Variants in ZPLD1 observed in about 807,000 individuals in gnomAD.
ZPLD1 encodes the protein zona pellucida like domain containing 1, also known as zona pellucida-like domain-containing protein 1.
Under a neutral mutation model 47.2 loss-of-function variants are expected in ZPLD1, and 34 were observed. That is an observed-to-expected ratio of 0.72 (90% CI 0.55 to 0.96). The LOEUF (loss-of-function observed/expected upper bound fraction) is 0.96. Among genes scored for constraint, ZPLD1 ranks in the 40% least tolerant of loss-of-function variants. The pLI is 0.00. For synonymous variants in ZPLD1, 176 were observed against 186.2 expected (o/e 0.95, Z 0.45); for missense variants, 512 against 505.8 (o/e 1.01, Z -0.12).
chr3:102,403,889 CA>C (rs11352887), intron 7 of ZPLD1, among the ~76,000 whole-genome samples: 21,876 of 151,968 alleles, frequency 0.14, 2,063 homozygotes, highest in Middle Eastern at 0.23. Flanking sequence ...TACAGATGAA[CA>C]AGACCTTAAT....
intron 8 of ZPLD1, among the ~76,000 whole-genome samples, chr3:102,422,948 G>A (rs1165800284): frequency 6.6e-6 from 1 of 152,032 alleles, no homozygotes; most frequent in East Asian, 1.9e-4. Flanking sequence ...CAACCTTGGT[G>A]TGAAATGTCA....
At chr3:102,392,868 C>T (rs541397228) in intron 7 of ZPLD1, among the ~76,000 whole-genome samples, 1 of 152,132 alleles carries the variant, frequency 6.6e-6, no homozygotes, top group South Asian at 2.1e-4. Flanking sequence ...TGTTGATTTC[C>T]CCATTAAGAT....
upstream of ZPLD1, among the ~76,000 whole-genome samples, chr3:102,432,296 G>T (rs1228352843): frequency 6.6e-6 from 1 of 152,192 alleles, no homozygotes; most frequent in Non-Finnish European, 1.5e-5. Flanking sequence ...TAGCTGCTCA[G>T]TAAATGCAGT....
chr3:102,388,517 C>G (rs1184952740), intron 6 of ZPLD1, among the ~76,000 whole-genome samples: 2 of 150,608 alleles, frequency 1.3e-5, no homozygotes, highest in African/African-American at 2.4e-5. Context: ...ACTAATTTAT[C>G]TCTGAGGATG....
intron 6 of ZPLD1, among the ~76,000 whole-genome samples, chr3:102,459,836 T>C (rs1276282808): frequency 2.0e-5 from 3 of 152,152 alleles, no homozygotes; most frequent in Non-Finnish European, 2.9e-5. Context: ...TAAACCAATA[T>C]TGATACATTA....
chr3:102,435,790 C>A (rs1054189818), intron 1 of ZPLD1, among the ~76,000 whole-genome samples: 4 of 151,954 alleles, frequency 2.6e-5, no homozygotes, highest in Admixed American at 1.3e-4. Flanking sequence ...CTACAGGCTC[C>A]CGCCACCACG....
chr3:102,427,976 A>G (rs1299598423), intron 8 of ZPLD1, among the ~76,000 whole-genome samples: 2 of 152,334 alleles, frequency 1.3e-5, no homozygotes, highest in South Asian at 4.1e-4. Context: ...ATTATTATAA[A>G]GCTGAAGTGC....
At chr3:102,466,505 A>G (rs1457586274) in intron 8 of ZPLD1, among the ~76,000 whole-genome samples, 2 of 152,240 alleles carry the variant, frequency 1.3e-5, no homozygotes, top group Non-Finnish European at 2.9e-5. Flanking sequence ...TATAATATAT[A>G]CATTCCCACA....
At chr3:102,392,549 T>TTCCTTTC (rs1553707468) in intron 7 of ZPLD1, among the ~76,000 whole-genome samples, 1 of 147,446 alleles carries the variant, frequency 6.8e-6, no homozygotes, top group Non-Finnish European at 1.5e-5. Context: ...CCTCCCTCCC[T>TTCCTTTC]TCCTTCCTCC....
intron 7 of ZPLD1, among the ~76,000 whole-genome samples, chr3:102,403,922 C>T (rs1398606775): frequency 6.6e-6 from 1 of 151,976 alleles, no homozygotes; most frequent in Non-Finnish European, 1.5e-5. Flanking sequence ...GAGATATTCA[C>T]AGTATTTCTT....
chr3:102,474,279 A>G (rs1287671970), intron 10 of ZPLD1, among the ~76,000 whole-genome samples: 4 of 152,214 alleles, frequency 2.6e-5, no homozygotes, highest in Non-Finnish European at 5.9e-5. Flanking sequence ...CCAACACCAG[A>G]AAACAATACC....
chr3:102,458,392 A>G (rs915660955), intron 6 of ZPLD1, among the ~76,000 whole-genome samples: 7 of 152,212 alleles, frequency 4.6e-5, no homozygotes, highest in African/African-American at 1.4e-4. Flanking sequence ...TTGGCAGCAA[A>G]ACGTGAAAAA....
intron 3 of ZPLD1, among the ~76,000 whole-genome samples, chr3:102,450,374 C>T (rs1359416120): frequency 6.6e-6 from 1 of 152,144 alleles, no homozygotes; most frequent in African/African-American, 2.4e-5. Context: ...ATCTTTCCCC[C>T]AATTGTTCTC....
chr3:102,456,379 G>C lies in ZPLD1; in HGVS notation c.509+5G>C. The C allele has an allele frequency of 6.2e-7, 1 of 1,608,244 alleles. No homozygotes were observed. On this transcript the variant is annotated splice_donor_5th_base_variant and intron_variant, in intron 5 of 11. Coordinates refer to ENST00000466937, the MANE Select transcript of ZPLD1 (RefSeq NM_001329788.2). ...TAATAATACCCAGCTTGCTTCGTAAGTTTGCATTTTATTCCTGCTTTCTCA... is the reference window on the plus strand; with the variant it reads ...TAATAATACCCAGCTTGCTTCGTAACTTTGCATTTTATTCCTGCTTTCTCA...
chr3:102,470,357 C>A (rs752214653), intron 9 of ZPLD1, 37 bp from the exon 10 acceptor site: 1 of 1,536,108 alleles, frequency 6.5e-7, no homozygotes, highest in Non-Finnish European at 9.0e-7. Flanking sequence ...AATTCTGCGC[C>A]GGTGTGGAAT....
chr3:102,389,760 C>T (rs879513739), intron 6 of ZPLD1, among the ~76,000 whole-genome samples: 3 of 152,020 alleles, frequency 2.0e-5, no homozygotes, highest in East Asian at 1.9e-4. Flanking sequence ...CCTGAGGATC[C>T]GATGGATGGC....
intron 3 of ZPLD1, among the ~76,000 whole-genome samples, chr3:102,446,015 A>G (rs1707250397): frequency 6.6e-6 from 1 of 152,254 alleles, no homozygotes. Flanking sequence ...GGCAGTTGGC[A>G]GAATACAGAT....
chr3:102,450,339 C>T (rs1447860223), intron 3 of ZPLD1, among the ~76,000 whole-genome samples: 2 of 152,148 alleles, frequency 1.3e-5, no homozygotes, highest in Non-Finnish European at 2.9e-5. Flanking sequence ...TATCCTCCAC[C>T]CAAATCAAGA....
chr3:102,448,009 G>A (rs1010191849), intron 3 of ZPLD1, among the ~76,000 whole-genome samples: 31 of 152,220 alleles, frequency 2.0e-4, no homozygotes, highest in Middle Eastern at 3.4e-3. Flanking sequence ...GGCTGATAAT[G>A]TGACAGGATA....
Sources: gnomAD v4.1 joint callset for allele counts (sites outside exome capture counted in the v4.1 genomes callset) on GRCh38, gnomAD v4.1.1 for gene constraint, MANE v1.5 for transcripts, NCBI Gene and HGNC (gene_info 2026-07-23, HGNC 2026-07-21) for gene names.